The following VPS39 variants were observed in gnomAD, a reference collection of about 807,000 sequenced individuals.
The protein encoded by VPS39 is VPS39 subunit of HOPS complex, also known as vam6/Vps39-like protein.
In VPS39, 70 loss-of-function variants were observed where a neutral mutation model predicts 121.0. That is an observed-to-expected ratio of 0.58 (90% CI 0.48 to 0.71). The LOEUF is 0.71. Among genes scored for constraint, VPS39 ranks in the 30% least tolerant of loss-of-function variants. The pLI is 0.00. For missense variants in VPS39, 818 were observed against 1,051.5 expected (o/e 0.78, Z 3.07); for synonymous variants, 378 against 398.1 (o/e 0.95, Z 0.60).
In VPS39 at chr15:42,184,463, A is replaced by C. The variant is rs1290824461; in HGVS notation, c.718+54T>G. 7.2e-6 allele frequency: 11 copies of C among 1,527,242 alleles called. No individual in the cohort carries two copies. In the East Asian group the frequency reaches 2.5e-4, roughly 35 times the overall value. 94.6% of individuals were successfully genotyped at this position (1,527,242 alleles called of 1,614,324 possible). A position where few individuals can be genotyped will look rare whatever the true frequency, so the allele number is the denominator to read the frequency against. ...TACGAATGGGACTCCGTTCTGCAGG[A>C]ATGGCACACAACCTCAACCCAAAGT... On this transcript the variant is annotated intron_variant, in intron 8 of 24. Coordinates refer to ENST00000318006, the MANE Select transcript of VPS39 (RefSeq NM_015289.5).
chr15:42,172,681 A>T (rs2049370812), intron 11 of VPS39, among the ~76,000 whole-genome samples: 1 of 152,198 alleles, frequency 6.6e-6, no homozygotes. Context: ...TCCTGGCTAC[A>T]AACTGATCAT....
At chr15:42,196,014 C>G (rs1182599312) in intron 2 of VPS39, among the ~76,000 whole-genome samples, 1 of 152,090 alleles carries the variant, frequency 6.6e-6, no homozygotes, top group Non-Finnish European at 1.5e-5. Context: ...AAAAATAATA[C>G]CACACATCTA....
intron 10 of VPS39, 139 bp downstream of exon 10, chr15:42,178,079 G>T: frequency 9.0e-7 from 1 of 1,116,292 alleles, no homozygotes. Flanking sequence ...TTACGGTGGA[G>T]TCAGACCTAG....
At chr15:42,171,987 T>C (rs770923905) in intron 11 of VPS39, among the ~76,000 whole-genome samples, 1 of 152,158 alleles carries the variant, frequency 6.6e-6, no homozygotes, top group Non-Finnish European at 1.5e-5. Flanking sequence ...TAATCCTGGC[T>C]AATCAGATCC....
Position 42,187,846 on chromosome 15 carries a change from G to T in VPS39, c.353C>A (p.Thr118Asn). 6.2e-7 allele frequency: 1 copy of T among 1,614,060 alleles called. No individual in the cohort carries two copies. Among genetic ancestry groups the T allele is most frequent in the South Asian group, 1.1e-5 (1 of 91,076 alleles). ...LFTCDLQHTE[T>N]GEEVLRMCVA... ...ACACATCCGTAACACCTCCTCACCG[G>T]TCTCTGTGTGCTGGGAGGAGACATG... is the stretch of plus-strand genomic sequence containing the variant. Residue 118 changes from threonine (T) to asparagine (N), a missense_variant, in exon 6 of 25, where the codon ACC becomes AAC. Coordinates refer to ENST00000318006, the MANE Select transcript of VPS39 (RefSeq NM_015289.5).
intron 7 of VPS39, 103 bp downstream of exon 7, chr15:42,187,168 G>A: frequency 2.5e-6 from 2 of 803,312 alleles, no homozygotes; most frequent in Non-Finnish European, 1.9e-6. Context: ...ATCCTGTTAT[G>A]CCAAAAGCTC....
At chr15:42,168,144 G>A (rs1415674362) in intron 12 of VPS39, among the ~76,000 whole-genome samples, 6 of 152,174 alleles carry the variant, frequency 3.9e-5, no homozygotes, top group Non-Finnish European at 7.3e-5. Context: ...GTATTCTCTT[G>A]AGTCTGGCAG....
chr15:42,179,840 C>T (rs2049545080), intron 8 of VPS39, among the ~76,000 whole-genome samples: 1 of 152,012 alleles, frequency 6.6e-6, no homozygotes, highest in Non-Finnish European at 1.5e-5. Flanking sequence ...GACACTTAAT[C>T]CTCAGTGCAA....
chr15:42,189,276 A>C, intron 4 of VPS39, 68 bp from the exon 5 acceptor site: 2 of 1,254,530 alleles, frequency 1.6e-6, no homozygotes, highest in Non-Finnish European at 2.3e-6. Flanking sequence ...CTATCGAGGC[A>C]AAAAAAGTAA....
chr15:42,164,890 C>G (rs1285852053), intron 18 of VPS39, 106 bp downstream of exon 18: 7 of 1,531,764 alleles, frequency 4.6e-6, no homozygotes, highest in Non-Finnish European at 6.1e-6. Context: ...TTCTGCGCAC[C>G]TGGGCAGAGA....
chr15:42,188,552 T>C (rs984198987), intron 5 of VPS39, among the ~76,000 whole-genome samples: 2 of 152,044 alleles, frequency 1.3e-5, no homozygotes, highest in African/African-American at 4.8e-5. Flanking sequence ...AGGACGAGAG[T>C]TTTTGTCCTC....
chr15:42,196,995 T>TA (rs1181973111), intron 2 of VPS39, among the ~76,000 whole-genome samples: 1 of 151,318 alleles, frequency 6.6e-6, no homozygotes, highest in African/African-American at 2.4e-5. Flanking sequence ...TATGCAGCCA[T>TA]AAAAAAGGAT....
rs2049097937 is a variant in VPS39, at chr15:42,159,990, C to T, written c.*764G>A. ...CAAGGGATGCAGGGCCTTGCCTAGG[C>T]AGAGAATGATGCTCTCCGAGGCATC... On this transcript the variant is annotated 3_prime_UTR_variant, in exon 25 of 25. Coordinates refer to ENST00000318006, the MANE Select transcript of VPS39 (RefSeq NM_015289.5). The T allele has an allele frequency of 6.6e-6, 1 of 152,292 alleles. No homozygotes were observed. The highest frequency in any genetic ancestry group is 2.1e-4 in the South Asian group (1 of 4,836). The allele number at this position is 152,292 out of a possible 1,614,324, so 9.4% of individuals were successfully genotyped here. A position where few individuals can be genotyped will look rare whatever the true frequency, so the allele number is the denominator to read the frequency against.
In VPS39 at chr15:42,199,966, AAAAAC is replaced by A. The variant is rs200307287; in HGVS notation, c.74-10_74-6del. ...TTCCCACAAGAAGCCATTCCTCTGG[AAAAAC>A]AAAACAAAACAAAAACAAAAACAAA... On this transcript the variant is annotated splice_polypyrimidine_tract_variant and splice_region_variant and intron_variant, in intron 1 of 24. Coordinates refer to ENST00000318006, the MANE Select transcript of VPS39 (RefSeq NM_015289.5). 1.7e-5 allele frequency: 27 copies of A among 1,571,234 alleles called. No individual in the cohort carries two copies. The highest frequency in any genetic ancestry group is 7.2e-5 in the South Asian group (6 of 83,306).
chr15:42,176,712 A>G (rs529585587), intron 10 of VPS39, among the ~76,000 whole-genome samples: 3 of 152,334 alleles, frequency 2.0e-5, no homozygotes, highest in Non-Finnish European at 4.4e-5. Context: ...TCCAGAACAT[A>G]TATGTCCAAA....
chr15:42,206,789 CAA>C (rs1443824583), intron 1 of VPS39, among the ~76,000 whole-genome samples: 1 of 152,150 alleles, frequency 6.6e-6, no homozygotes, highest in Non-Finnish European at 1.5e-5. Flanking sequence ...CTGTCCCAAG[CAA>C]AGAGAATGGC....
Position 42,162,397 on chromosome 15 carries a change from T to A in VPS39, c.2260A>T (p.Lys754Ter). Residue 754 changes from lysine (K) to a stop codon, truncating the protein, a stop_gained, in exon 22 of 25, where the codon AAA becomes TAA. Transcript: ENST00000318006. LOFTEE classifies it high-confidence loss of function. ...TGCAGAGCGGCCTGGAGGTTGGCTT[T>A]TGGCTCCAGTAGTTCCAGCTTGATT... The part of the protein sequence containing the change: ...GPIKLELLEP[K>*]ANLQAALQVL... The A allele has an allele frequency of 6.2e-7, 1 of 1,613,840 alleles. No individual in the cohort carries two copies. The highest frequency in any genetic ancestry group is 2.2e-5 in the East Asian group (1 of 44,870).
intron 21 of VPS39, 154 bp from the exon 22 acceptor site, chr15:42,162,635 G>T: frequency 3.5e-6 from 3 of 849,052 alleles, no homozygotes; most frequent in South Asian, 3.4e-5. Flanking sequence ...AATTGGTAAG[G>T]TCAAACAGGC....
chr15:42,193,112 GC>G (rs1221688372), intron 2 of VPS39, among the ~76,000 whole-genome samples: 1 of 152,084 alleles, frequency 6.6e-6, no homozygotes, highest in African/African-American at 2.4e-5. Context: ...ATTTTCTAAG[GC>G]AGAGATTCTT....
Sources: gnomAD v4.1 joint callset for allele counts (sites outside exome capture counted in the v4.1 genomes callset) on GRCh38, gnomAD v4.1.1 for gene constraint, MANE v1.5 for transcripts, NCBI Gene and HGNC (gene_info 2026-07-23, HGNC 2026-07-21) for gene names.